Variants in COL4A6 observed in about 807,000 individuals in gnomAD.
COL4A6 encodes the protein collagen alpha-6(IV) chain.
Under a neutral mutation model 126.7 loss-of-function variants are expected in COL4A6, and 59 were observed. The ratio of observed to expected loss-of-function variants is 0.47; its 90% CI spans 0.38 to 0.58. The LOEUF is 0.58. Ranked by LOEUF, COL4A6 falls within the 20% of genes least tolerant of loss-of-function variation. COL4A6 has a pLI of 0.00. For synonymous variants in COL4A6, 547 were observed against 496.6 expected (o/e 1.10, Z -1.35); for missense variants, 1,285 against 1,337.3 (o/e 0.96, Z 0.61).
intron 2 of COL4A6, among the ~76,000 whole-genome samples, chrX:108,425,448 C>T (rs1325857208): frequency 1.8e-5 from 2 of 110,232 alleles, no homozygotes; most frequent in African/African-American, 3.3e-5. Flanking sequence ...TTCTATAGCT[C>T]TCAGGCCAGG....
intron 3 of COL4A6, among the ~76,000 whole-genome samples, chrX:108,266,121 G>A (rs1050149691): frequency 6.3e-5 from 7 of 111,646 alleles, no homozygotes; most frequent in African/African-American, 2.3e-4. Flanking sequence ...AAATATATGA[G>A]TGCAGTGGAA....
chrX:108,196,546 C>T lies in COL4A6; in HGVS notation c.868G>A (p.Gly290Arg), dbSNP rs761252957. ...LGTTGEKGEK[G>R]EKGIPGLPGP... ...GGCAAACCAGGGATTCCCTTTTCTC[C>T]CTTTTCTCCCTTTTCTCCAGTAGTT... is the stretch of plus-strand genomic sequence containing the variant. The change falls in exon 14 of 45, where the codon GGA becomes AGA. Residue 290 changes from glycine (G) to arginine (R), a missense_variant. Transcript: ENST00000334504. The T allele has an allele frequency of 7.5e-6, 9 of 1,202,189 alleles. No individual in the cohort carries two copies. The East Asian group carries it at 9.0e-5, about 12-fold the overall frequency.
At chrX:108,428,251 G>T (rs950169178) in intron 2 of COL4A6, among the ~76,000 whole-genome samples, 2 of 112,161 alleles carry the variant, frequency 1.8e-5, no homozygotes, top group African/African-American at 6.5e-5. Context: ...AGCCGTCCTG[G>T]GCCATATGCG....
chrX:108,387,623 T>G (rs868269713), intron 2 of COL4A6, among the ~76,000 whole-genome samples: 2 of 111,662 alleles, frequency 1.8e-5, no homozygotes, highest in Middle Eastern at 4.6e-3. Flanking sequence ...GGTCTGAGAT[T>G]ATGGGGTTTT....
At chrX:108,285,779 A>G (rs1413119767) in intron 3 of COL4A6, among the ~76,000 whole-genome samples, 1 of 112,018 alleles carries the variant, frequency 8.9e-6, no homozygotes, top group African/African-American at 3.2e-5. Flanking sequence ...GAGCAATAAT[A>G]TACCCAGAAA....
At chrX:108,398,849 G>A (rs974677943) in intron 2 of COL4A6, among the ~76,000 whole-genome samples, 5 of 111,183 alleles carry the variant, frequency 4.5e-5, no homozygotes, top group South Asian at 3.8e-4. Context: ...GGAAAATTGC[G>A]AATTTGGAGA....
chrX:108,168,713 G>A (rs781080368), intron 37 of COL4A6, among the ~76,000 whole-genome samples: 2 of 112,033 alleles, frequency 1.8e-5, no homozygotes, highest in East Asian at 5.6e-4. Context: ...TGGGATTGAG[G>A]AACAAGTAAC....
At chrX:108,397,039 C>T (rs1306074580) in intron 2 of COL4A6, among the ~76,000 whole-genome samples, 1 of 111,916 alleles carries the variant, frequency 8.9e-6, no homozygotes, top group Non-Finnish European at 1.9e-5. Flanking sequence ...AGAACAGAAA[C>T]CTTGTCTTAC....
intron 2 of COL4A6, among the ~76,000 whole-genome samples, chrX:108,359,045 A>T (rs932208493): frequency 8.9e-6 from 1 of 112,175 alleles, no homozygotes; most frequent in Non-Finnish European, 1.9e-5. Flanking sequence ...ATTCCAAACC[A>T]TTCTGAAAGC....
chrX:108,166,979 G>C (rs1257313801), intron 37 of COL4A6, among the ~76,000 whole-genome samples: 1 of 111,661 alleles, frequency 9.0e-6, no homozygotes, highest in East Asian at 2.8e-4. Context: ...AGGCAGTGGT[G>C]GGCAGTACAC....
intron 2 of COL4A6, among the ~76,000 whole-genome samples, chrX:108,368,033 A>G (rs775696472): frequency 1.8e-5 from 2 of 108,484 alleles, no homozygotes; most frequent in South Asian, 7.9e-4. Context: ...TTTTTTCATT[A>G]GTATATTTTT....
rs192811827 is a variant in COL4A6 at position 108,394,666 on chromosome X, T to G, written c.63+43276A>C. Among the ~76,000 whole-genome samples the G allele has an allele frequency of 5.1e-3, 575 of 112,051 alleles. 2 individuals carry two copies. Among genetic ancestry groups the G allele is most frequent in the South Asian group, 0.027 (73 of 2,700 alleles). ...CTAGCACCTAGCACAATGTCTGGCA[T>G]GTAGAAGGCATTTATCGTCTACTTG... On this transcript the variant is annotated intron_variant, in intron 2 of 44. Coordinates refer to ENST00000334504, the MANE Select transcript of COL4A6 (RefSeq NM_033641.4).
At chrX:108,397,565 T>C (rs1412116856) in intron 2 of COL4A6, among the ~76,000 whole-genome samples, 1 of 108,678 alleles carries the variant, frequency 9.2e-6, no homozygotes, top group Non-Finnish European at 1.9e-5. Context: ...AAACATGACA[T>C]TCAATTAATG....
At chrX:108,409,821 T>C (rs1319834423) in intron 2 of COL4A6, among the ~76,000 whole-genome samples, 2 of 111,020 alleles carry the variant, frequency 1.8e-5, no homozygotes, top group African/African-American at 6.6e-5. Context: ...TGATCAAGGG[T>C]TGGGGATGGT....
At chrX:108,226,475 T>C (rs191972732) in intron 3 of COL4A6, among the ~76,000 whole-genome samples, 1 of 111,389 alleles carries the variant, frequency 9.0e-6, no homozygotes, top group African/African-American at 3.3e-5. Context: ...GGTACTTGGC[T>C]TCTCAGTGTT....
chrX:108,382,176 T>G (rs1338611555), intron 2 of COL4A6, among the ~76,000 whole-genome samples: 1 of 111,425 alleles, frequency 9.0e-6, no homozygotes, highest in Non-Finnish European at 1.9e-5. Context: ...CTCAGAAATT[T>G]TCAAATGCAC....
rs752585212 is a variant in COL4A6 at position 108,211,706 on chromosome X, G to A, written c.476C>T (p.Pro159Leu). 9.1e-6 allele frequency: 11 copies of A among 1,211,408 alleles called. No individual in the cohort carries two copies. In the East Asian group the frequency reaches 3.3e-4, roughly 36 times the overall value. ...LPGQKGSKGD[P>L]VLAPGSFKGM... ...TTTGAAACTACCTGGAGCAAGGACA[G>A]GGTCACCTTTTGATCCTTTCTGACC... The change falls in exon 7 of 45, where the codon CCT (proline) becomes CTT (leucine). Residue 159 changes from proline (P) to leucine (L), a missense_variant. Physicochemically the swap from Pro to Leu is moderately conservative, Grantham distance 98. Transcript: ENST00000334504.
intron 4 of COL4A6, 26 bp from the exon 5 acceptor site, chrX:108,219,768 T>C: frequency 8.6e-7 from 1 of 1,161,637 alleles, no homozygotes; most frequent in East Asian, 3.0e-5. Context: ...GGGAGAGGAA[T>C]GTAAGACACA....
At chrX:108,409,482 G>A (rs73638830) in intron 2 of COL4A6, among the ~76,000 whole-genome samples, 6,953 of 111,648 alleles carry the variant, frequency 0.062, 513 homozygotes, top group African/African-American at 0.2. Context: ...CCTGAGAGGT[G>A]AGTACTATTA....
Sources: allele counts gnomAD v4.1 joint callset (sites outside exome capture counted in the v4.1 genomes callset), GRCh38; gene constraint gnomAD v4.1.1; transcripts MANE v1.5; gene names NCBI Gene and HGNC (gene_info 2026-07-23, HGNC 2026-07-21).